Variants in EMC2 observed in about 807,000 individuals in gnomAD.
The protein encoded by EMC2 is TPR repeat protein 35.
In EMC2, 37 loss-of-function variants were observed where a neutral mutation model predicts 51.6. That is an observed-to-expected ratio of 0.72 (90% CI 0.55 to 0.94). EMC2 has a LOEUF of 0.94. Ranked by LOEUF, EMC2 falls within the 40% of genes least tolerant of loss-of-function variation. The pLI is 0.00. For synonymous variants in EMC2, 131 were observed against 112.4 expected, an observed-to-expected ratio of 1.17 and a Z score of -1.04; for missense variants, 359 against 350.9, an observed-to-expected ratio of 1.02 and a Z score of -0.18.
At position 108,450,135 on chromosome 8, in the gene EMC2, A is replaced by C. The variant is rs60555407; in HGVS notation, c.154+199A>C. 6.0e-3 allele frequency among the ~76,000 whole-genome samples: 921 copies of C among 152,272 alleles called. 10 individuals carry two copies. Among genetic ancestry groups the C allele is most frequent in the African/African-American group, 0.021 (877 of 41,552 alleles). On this transcript the variant is annotated intron_variant, in intron 2 of 10. Coordinates refer to ENST00000220853, the MANE Select transcript of EMC2 (RefSeq NM_014673.5). ...GGTAGTAGTAAGCTATCAAATAGGCATTTTGTTTTAAAGCTCACAGGGCTG... is the reference window on the plus strand; with the variant it reads ...GGTAGTAGTAAGCTATCAAATAGGCCTTTTGTTTTAAAGCTCACAGGGCTG...
chr8:108,462,381 GA>G (rs1468972825), intron 5 of EMC2, among the ~76,000 whole-genome samples: 1 of 152,122 alleles, frequency 6.6e-6, no homozygotes, highest in Non-Finnish European at 1.5e-5. Context: ...TTGTCTTGAT[GA>G]AAAAGTTTCT....
At chr8:108,446,201 T>C in intron 1 of EMC2, 2 of 348,712 alleles carry the variant, frequency 5.7e-6, no homozygotes, top group Admixed American at 6.4e-5. Flanking sequence ...TTAGGAAATA[T>C]TAGTTGAGTG....
chr8:108,456,076 T>G (rs1819147709), intron 5 of EMC2, 146 bp downstream of exon 5: 1 of 243,120 alleles, frequency 4.1e-6, no homozygotes, highest in Admixed American at 5.6e-5. Flanking sequence ...TTTAAATAGT[T>G]CATGATGGGC....
At chr8:108,474,946 CTAT>C (rs1186552298) in intron 7 of EMC2, 2 of 151,876 alleles carry the variant, frequency 1.3e-5, no homozygotes, top group African/African-American at 4.8e-5. Context: ...TTAGTAAAAG[CTAT>C]TATTAGTATA....
chr8:108,450,435 C>A lies in EMC2; in HGVS notation c.162C>A (p.Ile54=). The A allele has an allele frequency of 1.3e-6, 2 of 1,595,852 alleles. No individual in the cohort carries two copies. The highest frequency in any genetic ancestry group is 1.1e-5 in the South Asian group (1 of 90,628). Residue 54 remains isoleucine, a synonymous_variant, in exon 3 of 11, where the codon ATC becomes ATA. Transcript: ENST00000220853. The part of the protein sequence containing the change: ...YASKLGDDIW[I]IYEQVMIAAL... ...CCCTTTATGTGTATCTAGTTTGGAT[C>A]ATATATGAACAGGTGATGATTGCAG...
In EMC2 at chr8:108,449,953, C is replaced by A; in HGVS notation, c.154+17C>A. The A allele has an allele frequency of 1.7e-6, 2 of 1,158,798 alleles. No individual in the cohort carries two copies. Among genetic ancestry groups the A allele is most frequent in the Non-Finnish European group, 2.6e-6 (2 of 779,448 alleles). The allele number at this position is 1,158,798 out of a possible 1,614,324, so 71.8% of individuals were successfully genotyped here. On this transcript the variant is annotated intron_variant, in intron 2 of 10. Coordinates refer to ENST00000220853, the MANE Select transcript of EMC2 (RefSeq NM_014673.5). ...GAGATGATAGTAAGTTCTTTTATTA[C>A]ATTCAGGCTCAGTACATGCCTCATT...
intron 5 of EMC2, among the ~76,000 whole-genome samples, chr8:108,463,308 A>G (rs1819376433): frequency 6.6e-6 from 1 of 152,190 alleles, no homozygotes; most frequent in Non-Finnish European, 1.5e-5. Flanking sequence ...TGGGAATCTA[A>G]AACTAAGACA....
At chr8:108,457,740 A>G (rs1019693936) in intron 5 of EMC2, among the ~76,000 whole-genome samples, 3 of 152,156 alleles carry the variant, frequency 2.0e-5, no homozygotes, top group Admixed American at 2.0e-4. Flanking sequence ...ACAATTCAAG[A>G]TGAGATTTGG....
chr8:108,470,555 A>T (rs1810835867), intron 7 of EMC2, among the ~76,000 whole-genome samples: 1 of 152,144 alleles, frequency 6.6e-6, no homozygotes, highest in Non-Finnish European at 1.5e-5. Flanking sequence ...TACTAAGAGA[A>T]TCAACTCTTC....
At chr8:108,455,507 C>T (rs1166977851) in intron 4 of EMC2, among the ~76,000 whole-genome samples, 1 of 152,042 alleles carries the variant, frequency 6.6e-6, no homozygotes, top group African/African-American at 2.4e-5. Flanking sequence ...TGTTTAAATT[C>T]CTAGTCTGTT....
intron 7 of EMC2, among the ~76,000 whole-genome samples, chr8:108,472,863 T>G (rs1810882276): frequency 6.6e-6 from 1 of 152,014 alleles, no homozygotes; most frequent in Non-Finnish European, 1.5e-5. Flanking sequence ...CAGGCAGCTT[T>G]GGTAGCCTAT....
rs558671606 is a variant in EMC2 at position 108,450,027 on chromosome 8, A to T, written c.154+91A>T. ...CTGTTCTTTCATTCATGATTTTTCT[A>T]CTTGTCATATTAATTTTCTTTGTGA... On this transcript the variant is annotated intron_variant, in intron 2 of 10. Transcript: ENST00000220853. 3 of 517,118 alleles carry T rather than the reference A, an allele frequency of 5.8e-6. No individual in the cohort carries two copies. In the East Asian group the frequency reaches 9.3e-5, roughly 16 times the overall value. 32.0% of individuals were successfully genotyped at this position (517,118 alleles called of 1,614,324 possible). A position where few individuals can be genotyped will look rare whatever the true frequency, so the allele number is the denominator to read the frequency against.
At position 108,486,810 on chromosome 8, in the gene EMC2, C is replaced by CT. The variant is rs1811150608; in HGVS notation, c.*214dup. On this transcript the variant is annotated 3_prime_UTR_variant, in exon 11 of 11. Transcript: ENST00000220853. ...AAATCCATGGAAGAGAGATTTAAGA[C>CT]TTATTGATTGTACATCAGTCTCTTC... 2.4e-6 allele frequency: 1 copy of CT among 422,582 alleles called. No homozygotes were observed. Among genetic ancestry groups the CT allele is most frequent in the Non-Finnish European group, 4.1e-6 (1 of 242,010 alleles). 26.2% of individuals were successfully genotyped at this position (422,582 alleles called of 1,614,324 possible). A position where few individuals can be genotyped will look rare whatever the true frequency, so the allele number is the denominator to read the frequency against.
chr8:108,487,971 G>A lies in EMC2; in HGVS notation c.*1373G>A, dbSNP rs1014960932. 1.1e-4 allele frequency among the ~76,000 whole-genome samples: 17 copies of A among 152,070 alleles called. No individual in the cohort carries two copies. Among genetic ancestry groups the A allele is most frequent in the African/African-American group, 4.1e-4 (17 of 41,410 alleles). On this transcript the variant is annotated 3_prime_UTR_variant, in exon 11 of 11. Coordinates refer to ENST00000220853, the MANE Select transcript of EMC2 (RefSeq NM_014673.5). Reference sequence around the variant, plus strand: ...TCCCGTCTTTGTACACATGAAATTAGTAACTGCATTTTCAACATGATGAAC... The same window carrying A: ...TCCCGTCTTTGTACACATGAAATTAATAACTGCATTTTCAACATGATGAAC...
chr8:108,480,400 A>G (rs546854157), intron 10 of EMC2, among the ~76,000 whole-genome samples: 2 of 152,156 alleles, frequency 1.3e-5, no homozygotes, highest in South Asian at 2.1e-4. Flanking sequence ...CAGCTTGGCT[A>G]TTCTATGGCC....
rs1161952091 is a variant in EMC2 at position 108,488,693 on chromosome 8, A to G, written c.*2095A>G. ...TCAAAGAGATTAGGACCTTACCCCA[A>G]CTCCAGAGGTTGCACCTTCATTGAT... On this transcript the variant is annotated 3_prime_UTR_variant, in exon 11 of 11. Transcript: ENST00000220853. Among the ~76,000 whole-genome samples the G allele has an allele frequency of 6.6e-5, 10 of 152,094 alleles. No homozygotes were observed. Among genetic ancestry groups the G allele is most frequent in the African/African-American group, 2.2e-4 (9 of 41,408 alleles).
rs1310338142 is a variant in EMC2, at chr8:108,475,939, C to G, written c.567C>G (p.His189Gln). 1 of 1,595,196 alleles carries G rather than the reference C, an allele frequency of 6.3e-7. No individual in the cohort carries two copies. The highest frequency in any genetic ancestry group is 8.5e-7 in the Non-Finnish European group (1 of 1,170,004). Residue 189 changes from histidine to glutamine, a missense_variant, in exon 8 of 11, where the codon CAC (histidine) becomes CAG (glutamine). By Grantham distance (24) the His-to-Gln change is conservative (BLOSUM62 0). Transcript: ENST00000220853. ...EELMMTNPHNHLYCQQYAEVK... is the reference protein window; with the variant it reads ...EELMMTNPHNQLYCQQYAEVK... ...TAATGATGACTAATCCACACAACCA[C>G]TTATACTGTCAGCAGTATGCTGAAG...
At position 108,488,532 on chromosome 8, in the gene EMC2, TC is replaced by T. The variant is rs1460132393; in HGVS notation, c.*1936del. Among the ~76,000 whole-genome samples the T allele has an allele frequency of 6.6e-6, 1 of 152,196 alleles. No individual in the cohort carries two copies. The highest frequency in any genetic ancestry group is 1.5e-5 in the Non-Finnish European group (1 of 68,028). ...TTATATTTGTTAAGCACATTGCCAA[TC>T]CTTAGTTATTTATAAACTTCAACTT... is the stretch of plus-strand genomic sequence containing the variant. On this transcript the variant is annotated 3_prime_UTR_variant, in exon 11 of 11. Transcript: ENST00000220853.
intron 3 of EMC2, among the ~76,000 whole-genome samples, chr8:108,451,486 T>C (rs969808745): frequency 2.6e-5 from 4 of 152,124 alleles, no homozygotes; most frequent in African/African-American, 4.8e-5. Flanking sequence ...AAAGAAAATA[T>C]GCAAAAACAA....
Sources: gnomAD v4.1 joint callset for allele counts (sites outside exome capture counted in the v4.1 genomes callset) on GRCh38, gnomAD v4.1.1 for gene constraint, MANE v1.5 for transcripts, NCBI Gene and HGNC (gene_info 2026-07-23, HGNC 2026-07-21) for gene names.